The following ENTREP2 variants were observed in gnomAD, a reference collection of about 807,000 sequenced individuals.
ENTREP2 encodes the protein protein ENTREP2.
At chr15:29,200,855 T>C in the ENTREP2 span, among the ~76,000 whole-genome samples, 2 of 152,194 alleles carry the variant, frequency 1.3e-5, no homozygotes, top group Non-Finnish European at 2.9e-5. Flanking sequence ...TGTGAGCCAC[T>C]GTGCCCAGCC....
At chr15:29,356,304 T>A in the ENTREP2 span, among the ~76,000 whole-genome samples, 10 of 85,010 alleles carry the variant, frequency 1.2e-4, no homozygotes, top group South Asian at 4.4e-4. Flanking sequence ...ATATTTTTTT[T>A]TTTTTTTTTT....
the ENTREP2 span, among the ~76,000 whole-genome samples, chr15:29,476,400 C>G: frequency 6.6e-6 from 1 of 152,170 alleles, no homozygotes; most frequent in African/African-American, 2.4e-5. Context: ...TTTTAGGCTT[C>G]TGAGCTAAAG....
chr15:29,314,050 A>T, the ENTREP2 span, among the ~76,000 whole-genome samples: 16 of 152,352 alleles, frequency 1.1e-4, no homozygotes, highest in African/African-American at 3.6e-4. Flanking sequence ...GAGCCTAAAG[A>T]TGTGGCTAAA....
the ENTREP2 span, among the ~76,000 whole-genome samples, chr15:29,392,121 C>T: frequency 3.3e-5 from 5 of 151,818 alleles, no homozygotes; most frequent in African/African-American, 1.2e-4. Flanking sequence ...AGCCACTGTG[C>T]CCGGCCTTTT....
the ENTREP2 span, among the ~76,000 whole-genome samples, chr15:29,222,633 C>T: frequency 1.3e-5 from 2 of 152,118 alleles, no homozygotes; most frequent in Admixed American, 6.5e-5. Context: ...TTGCATCTCC[C>T]GTCACTCATG....
chr15:29,536,979 T>G, the ENTREP2 span, among the ~76,000 whole-genome samples: 1 of 152,134 alleles, frequency 6.6e-6, no homozygotes, highest in Non-Finnish European at 1.5e-5. Context: ...CAGGTTGGAC[T>G]TCCAGCCTCC....
At chr15:29,177,783 G>A in the ENTREP2 span, among the ~76,000 whole-genome samples, 111 of 152,168 alleles carry the variant, frequency 7.3e-4, 1 homozygote, top group Middle Eastern at 0.01. Flanking sequence ...GCGGAGGTTG[G>A]TGGGGACAGT....
chr15:29,518,192 C>A, the ENTREP2 span, among the ~76,000 whole-genome samples: 1 of 151,878 alleles, frequency 6.6e-6, no homozygotes, highest in African/African-American at 2.4e-5. Flanking sequence ...AAGAGTGAGA[C>A]CTAGTCTCAA....
At chr15:29,547,426 A>G in the ENTREP2 span, among the ~76,000 whole-genome samples, 15 of 152,160 alleles carry the variant, frequency 9.9e-5, no homozygotes, top group African/African-American at 3.4e-4. Flanking sequence ...AAAAGACTTG[A>G]ATAGACATTT....
the ENTREP2 span, among the ~76,000 whole-genome samples, chr15:29,522,677 C>A: frequency 1.3e-4 from 20 of 152,258 alleles, no homozygotes; most frequent in East Asian, 2.7e-3. Context: ...CATGTGAGAA[C>A]CCTGGCAAAA....
the ENTREP2 span, chr15:29,122,393 C>G: frequency 5.9e-4 from 90 of 152,290 alleles, no homozygotes; most frequent in African/African-American, 2.1e-3. Flanking sequence ...TGTCTGCTGC[C>G]GCATGCCCGG....
At chr15:29,493,839 T>G in the ENTREP2 span, among the ~76,000 whole-genome samples, 24 of 151,632 alleles carry the variant, frequency 1.6e-4, no homozygotes, top group African/African-American at 5.8e-4. Context: ...TTAGCCAGGG[T>G]GGTGGCTCAC....
At chr15:29,130,220 C>T in the ENTREP2 span, among the ~76,000 whole-genome samples, 64 of 152,322 alleles carry the variant, frequency 4.2e-4, no homozygotes, top group Admixed American at 7.2e-4. Flanking sequence ...CCTTTGATCT[C>T]ACTAAGATGC....
At chr15:29,646,876 A>C in the ENTREP2 span, among the ~76,000 whole-genome samples, 1 of 152,162 alleles carries the variant, frequency 6.6e-6, no homozygotes, top group African/African-American at 2.4e-5. Context: ...CAATAAAACA[A>C]TCACTCACTC....
At chr15:29,403,405 TTCTTTTAG>T in the ENTREP2 span, among the ~76,000 whole-genome samples, 4 of 152,200 alleles carry the variant, frequency 2.6e-5, no homozygotes, top group African/African-American at 9.7e-5. Context: ...TTTTATTCTC[TTCTTTTAG>T]AAATCTCCTC....
At chr15:29,180,106 C>T in the ENTREP2 span, among the ~76,000 whole-genome samples, 2 of 152,060 alleles carry the variant, frequency 1.3e-5, no homozygotes, top group Non-Finnish European at 1.5e-5. Context: ...ATGGACAAAC[C>T]CACCATAGGA....
the ENTREP2 span, among the ~76,000 whole-genome samples, chr15:29,185,355 C>T: frequency 6.6e-6 from 1 of 152,134 alleles, no homozygotes; most frequent in African/African-American, 2.4e-5. Flanking sequence ...ATCTTTCCTG[C>T]CTTTGCTTTT....
At chr15:29,568,994 T>C in the ENTREP2 span, among the ~76,000 whole-genome samples, 14 of 152,302 alleles carry the variant, frequency 9.2e-5, no homozygotes, top group East Asian at 1.2e-3. Flanking sequence ...GTGGAGCTAA[T>C]TCACCAGTCT....
At chr15:29,664,448 CTT>C in the ENTREP2 span, among the ~76,000 whole-genome samples, 59 of 142,858 alleles carry the variant, frequency 4.1e-4, no homozygotes, top group Admixed American at 4.9e-4. Context: ...TTCTCTCTCT[CTT>C]TTTTTTTTTT....
Sources: gnomAD v4.1 joint callset for allele counts (sites outside exome capture counted in the v4.1 genomes callset) on GRCh38, gnomAD v4.1.1 for gene constraint, MANE v1.5 for transcripts, NCBI Gene and HGNC (gene_info 2026-07-23, HGNC 2026-07-21) for gene names.